PANK4: variants seen among roughly 807,000 people sequenced by gnomAD.
PANK4 encodes the protein 4'-phosphopantetheine phosphatase.
A neutral mutation model predicts 87.9 loss-of-function variants in PANK4; 40 were observed. The observed-to-expected ratio is 0.46, with a 90% confidence interval of 0.35 to 0.59. PANK4 has a LOEUF of 0.59. Among genes scored for constraint, PANK4 ranks in the 20% least tolerant of loss-of-function variants. PANK4 has a pLI of 0.00. For missense variants in PANK4, 926 were observed against 1,072.3 expected (o/e 0.86, Z 1.90); for synonymous variants, 524 against 467.4 (o/e 1.12, Z -1.56).
chr1:2,515,458 C>T lies in PANK4; in HGVS notation c.1374+104G>A. 7.8e-7 allele frequency: 1 copy of T among 1,287,580 alleles called. No homozygotes were observed. Among genetic ancestry groups the T allele is most frequent in the Non-Finnish European group, 1.1e-6 (1 of 891,702 alleles). 79.8% of individuals were successfully genotyped at this position (1,287,580 alleles called of 1,614,324 possible). On this transcript the variant is annotated intron_variant, in intron 10 of 18. Transcript: ENST00000378466. This position sits in a 1 kb window ranked among gnomAD's most constrained non-coding sequence, Gnocchi z 5.0. ...CGCAGATCAAGGGGTTTCTGGACAA[C>T]ACTGGCCTGTCCCCCTTCGCCACCT...
At position 2,518,284 on chromosome 1, in the gene PANK4, G is replaced by T; in HGVS notation, c.1118-20C>A. The T allele has an allele frequency of 1.3e-6, 2 of 1,553,330 alleles. No homozygotes were observed. Among genetic ancestry groups the T allele is most frequent in the Non-Finnish European group, 1.8e-6 (2 of 1,128,786 alleles). ...TAGGATCTGGAAAGCAAGAAGCCAGGTCACTTGTGTTAACCTTGCCCTTGA... is the reference window on the plus strand; with the variant it reads ...TAGGATCTGGAAAGCAAGAAGCCAGTTCACTTGTGTTAACCTTGCCCTTGA... On this transcript the variant is annotated intron_variant, in intron 8 of 18. Coordinates refer to ENST00000378466, the MANE Select transcript of PANK4 (RefSeq NM_018216.4).
At position 2,515,814 on chromosome 1, in the gene PANK4, T is replaced by G; in HGVS notation, c.1219-97A>C. 8.4e-7 allele frequency: 1 copy of G among 1,185,154 alleles called. No individual in the cohort carries two copies. The highest frequency in any genetic ancestry group is 1.2e-6 in the Non-Finnish European group (1 of 831,066). 73.4% of individuals were successfully genotyped at this position (1,185,154 alleles called of 1,614,324 possible). ...TCCACTCTCTCTCTAAGAAGGGAGA[T>G]GTACTGCCTTCTTCCGCCACGTCTC... On this transcript the variant is annotated intron_variant, in intron 9 of 18. Coordinates refer to ENST00000378466, the MANE Select transcript of PANK4 (RefSeq NM_018216.4). The surrounding 1 kb of genome is among the most constrained non-coding windows in gnomAD (Gnocchi z 5.0).
In PANK4 at chr1:2,521,107, C is replaced by T. The variant is rs534180923; in HGVS notation, c.416G>A (p.Arg139Gln). ...KFKDLIEEKL[R>Q]LKVDKEDVMT... Reference sequence around the variant, plus strand: ...CCTTGAGATCCCCACTCACTTCAGCCGCAGCTTCTCTTCGATGAGGTCTTT... The same window carrying T: ...CCTTGAGATCCCCACTCACTTCAGCTGCAGCTTCTCTTCGATGAGGTCTTT... The change falls in exon 3 of 19, where the codon CGG becomes CAG. Residue 139 changes from arginine (R) to glutamine (Q), a missense_variant. Physicochemically the swap from Arg to Gln is conservative, Grantham distance 43. Coordinates refer to ENST00000378466, the MANE Select transcript of PANK4 (RefSeq NM_018216.4). The T allele has an allele frequency of 1.3e-5, 21 of 1,612,362 alleles. No homozygotes were observed. Among genetic ancestry groups the T allele is most frequent in the Admixed American group, 5.0e-5 (3 of 60,012 alleles).
intron 2 of PANK4, 132 bp downstream of exon 2, chr1:2,521,586 T>C (rs1484942601): frequency 7.3e-6 from 6 of 819,068 alleles, no homozygotes; most frequent in Admixed American, 5.2e-5. Flanking sequence ...GGGGAGGCTG[T>C]CCCTGCTAGA....
chr1:2,519,725 G>T lies in PANK4; in HGVS notation c.853+76C>A. On this transcript the variant is annotated intron_variant, in intron 6 of 18. Coordinates refer to ENST00000378466, the MANE Select transcript of PANK4 (RefSeq NM_018216.4). This position sits in a 1 kb window ranked among gnomAD's most constrained non-coding sequence, Gnocchi z 8.3. ...GGAGCAGTTGTGGGAAAGCAATGGT[G>T]GGGGAAGCTCCTGTCCGTGAGACCC... is the stretch of plus-strand genomic sequence containing the variant. 1 of 1,400,634 alleles carries T rather than the reference G, an allele frequency of 7.1e-7. No individual in the cohort carries two copies. Among genetic ancestry groups the T allele is most frequent in the Non-Finnish European group, 9.5e-7 (1 of 1,048,224 alleles). 86.8% of individuals were successfully genotyped at this position (1,400,634 alleles called of 1,614,324 possible). A position where few individuals can be genotyped will look rare whatever the true frequency, so the allele number is the denominator to read the frequency against.
In PANK4 at chr1:2,510,575, T is replaced by C; in HGVS notation, c.1938+103A>G. 1 of 727,184 alleles carries C rather than the reference T, an allele frequency of 1.4e-6. No homozygotes were observed. Among genetic ancestry groups the C allele is most frequent in the South Asian group, 1.6e-5 (1 of 64,320 alleles). 45.0% of individuals were successfully genotyped at this position (727,184 alleles called of 1,614,324 possible). ...CTGCTGCCTGCACCTACCTGCTGCG[T>C]CCGGAGGAGCCCCGACCACCGCCAG... On this transcript the variant is annotated intron_variant, in intron 16 of 18. Transcript: ENST00000378466. This position sits in a 1 kb window ranked among gnomAD's most constrained non-coding sequence, Gnocchi z 4.9.
chr1:2,513,122 A>G, intron 12 of PANK4, 83 bp from the exon 13 acceptor site: 1 of 1,429,968 alleles, frequency 7.0e-7, no homozygotes. Flanking sequence ...AGCCTGTTCC[A>G]TACCACGCCC....
chr1:2,518,761 G>C (rs1289473328), intron 7 of PANK4, among the ~76,000 whole-genome samples, 164 bp from the exon 8 acceptor site: 1 of 152,272 alleles, frequency 6.6e-6, no homozygotes, highest in Non-Finnish European at 1.5e-5. Context: ...CCTGGCACCA[G>C]AGGGCGGGCT....
intron 9 of PANK4, among the ~76,000 whole-genome samples, chr1:2,516,695 A>G (rs1194030010): frequency 6.6e-6 from 1 of 152,128 alleles, no homozygotes; most frequent in Non-Finnish European, 1.5e-5. Flanking sequence ...TGGGAAGCCC[A>G]TGCCGGGCAG....
At chr1:2,524,509 G>C (rs557782504) in intron 1 of PANK4, among the ~76,000 whole-genome samples, 2 of 152,168 alleles carry the variant, frequency 1.3e-5, no homozygotes, top group Non-Finnish European at 2.9e-5. Flanking sequence ...ACTTTGAAGA[G>C]GGGAAATAAA....
chr1:2,520,827 C>T lies in PANK4; in HGVS notation c.502G>A (p.Val168Met), dbSNP rs181980825. The T allele has an allele frequency of 3.0e-5, 48 of 1,606,548 alleles. No individual in the cohort carries two copies. Among genetic ancestry groups the T allele is most frequent in the African/African-American group, 5.4e-5 (4 of 74,680 alleles). Residue 168 changes from valine (V) to methionine (M), a missense_variant, in exon 4 of 19, where the codon GTG becomes ATG. Physicochemically the swap from Val to Met is conservative, Grantham distance 21. Coordinates refer to ENST00000378466, the MANE Select transcript of PANK4 (RefSeq NM_018216.4). The surrounding 1 kb of genome is among the most constrained non-coding windows in gnomAD (Gnocchi z 6.2). The stretch of plus-strand genomic sequence containing the variant: ...TCAGGGTCGGAATCCTTCTGGTACA[C>T]GAAGGCCTCATGGGGGATGTTCTTG... The part of the protein sequence containing the change: ...VLKNIPHEAF[V>M]YQKDSDPEFR...
intron 1 of PANK4, among the ~76,000 whole-genome samples, chr1:2,522,813 A>G (rs1643887540): frequency 6.6e-6 from 1 of 152,016 alleles, no homozygotes; most frequent in African/African-American, 2.4e-5. Context: ...AACGGAGGGC[A>G]CTGGATGGTG....
Position 2,515,860 on chromosome 1 carries a change from C to T in PANK4, c.1219-143G>A. 1.2e-6 allele frequency: 1 copy of T among 834,034 alleles called. No homozygotes were observed. Among genetic ancestry groups the T allele is most frequent in the Non-Finnish European group, 1.9e-6 (1 of 537,516 alleles). 51.7% of individuals were successfully genotyped at this position (834,034 alleles called of 1,614,324 possible). A position where few individuals can be genotyped will look rare whatever the true frequency, so the allele number is the denominator to read the frequency against. On this transcript the variant is annotated intron_variant, in intron 9 of 18. Coordinates refer to ENST00000378466, the MANE Select transcript of PANK4 (RefSeq NM_018216.4). This position sits in a 1 kb window ranked among gnomAD's most constrained non-coding sequence, Gnocchi z 5.0. ...GTCTCTGGGCCACAGACGAGACCCC[C>T]ACTGGGCCCCCTCAGCTGCCCGGCG...
rs1057347148 is a variant in PANK4, at chr1:2,519,530, C to T, written c.854-206G>A. On this transcript the variant is annotated intron_variant, in intron 6 of 18. Transcript: ENST00000378466. This position sits in a 1 kb window ranked among gnomAD's most constrained non-coding sequence, Gnocchi z 8.3. ...GTGTGATGTGTGAATCATTCCTGGA[C>T]GGATTAAGCTTTGTTTTGAAGGAGG... 2.0e-5 allele frequency among the ~76,000 whole-genome samples: 3 copies of T among 151,926 alleles called. No individual in the cohort carries two copies. The highest frequency in any genetic ancestry group is 4.4e-5 in the Non-Finnish European group (3 of 67,988).
In PANK4 at chr1:2,515,128, G is replaced by A; in HGVS notation, c.1374+434C>T. 2.7e-6 allele frequency: 1 copy of A among 366,134 alleles called. No individual in the cohort carries two copies. Among genetic ancestry groups the A allele is most frequent in the Non-Finnish European group, 5.4e-6 (1 of 185,130 alleles). 22.7% of individuals were successfully genotyped at this position (366,134 alleles called of 1,614,324 possible). On this transcript the variant is annotated intron_variant, in intron 10 of 18. Coordinates refer to ENST00000378466, the MANE Select transcript of PANK4 (RefSeq NM_018216.4). This position sits in a 1 kb window ranked among gnomAD's most constrained non-coding sequence, Gnocchi z 5.0. ...CCAGGGCCTGGCATTTGCTCCACGGGACCAGCCCAGCCTTGGAGAAGGTGG... is the reference window on the plus strand; with the variant it reads ...CCAGGGCCTGGCATTTGCTCCACGGAACCAGCCCAGCCTTGGAGAAGGTGG...
Position 2,519,810 on chromosome 1 carries a change from C to A in PANK4, c.844G>T (p.Ala282Ser). Reference sequence around the variant, plus strand: ...AGGCCGGGGTGAGCACCTTGGTCGGCGGTGGCCGACTTCCCGAAGCTGCTG... The same window carrying A: ...AGGCCGGGGTGAGCACCTTGGTCGGAGGTGGCCGACTTCCCGAAGCTGCTG... ...IASSFGKSAT[A>S]DQEFSKEDMA... The change falls in exon 6 of 19, where the codon GCC becomes TCC. Residue 282 changes from alanine to serine, a missense_variant. Transcript: ENST00000378466. This position sits in a 1 kb window ranked among gnomAD's most constrained non-coding sequence, Gnocchi z 8.3. The A allele has an allele frequency of 6.3e-7, 1 of 1,577,962 alleles. No individual in the cohort carries two copies. The highest frequency in any genetic ancestry group is 8.6e-7 in the Non-Finnish European group (1 of 1,163,372).
chr1:2,515,531 G>C lies in PANK4; in HGVS notation c.1374+31C>G. On this transcript the variant is annotated intron_variant, in intron 10 of 18. Transcript: ENST00000378466. The surrounding 1 kb of genome is among the most constrained non-coding windows in gnomAD (Gnocchi z 5.0). ...GAAGGTTAACCCGGCTGCGGCCTTG[G>C]AATCGTCTAGACGGCACCCGGAGCC... The C allele has an allele frequency of 3.7e-6, 6 of 1,608,086 alleles. No individual in the cohort carries two copies. The highest frequency in any genetic ancestry group is 3.3e-5 in the South Asian group (3 of 91,004).
chr1:2,508,635 G>C lies in PANK4; in HGVS notation c.*212C>G, dbSNP rs1643607782. ...ATTTATATATATATATATATAAAAG[G>C]TTCTTTAGCAGTTAAATAGATTCCA... On this transcript the variant is annotated 3_prime_UTR_variant, in exon 19 of 19. Transcript: ENST00000378466. This position sits in a 1 kb window ranked among gnomAD's most constrained non-coding sequence, Gnocchi z 5.1. 5.1e-6 allele frequency: 2 copies of C among 391,408 alleles called. No homozygotes were observed. Among genetic ancestry groups the C allele is most frequent in the South Asian group, 4.9e-5 (1 of 20,426 alleles). The allele number at this position is 391,408 out of a possible 1,614,324, so 24.2% of individuals were successfully genotyped here.
chr1:2,523,719 C>T (rs1011018466), intron 1 of PANK4, among the ~76,000 whole-genome samples: 7 of 152,218 alleles, frequency 4.6e-5, no homozygotes, highest in Non-Finnish European at 1.0e-4. Context: ...GGACCTGAGG[C>T]GCGAGGGGCA....
Sources: gnomAD v4.1 joint callset for allele counts (sites outside exome capture counted in the v4.1 genomes callset) on GRCh38, gnomAD v4.1.1 for gene constraint, Gnocchi (gnomAD v3.1) non-coding constraint, MANE v1.5 for transcripts, NCBI Gene and HGNC (gene_info 2026-07-23, HGNC 2026-07-21) for gene names.